Variants in ARK2N observed in about 807,000 individuals in gnomAD.
ARK2N encodes protein ARK2N.
the ARK2N span, among the ~76,000 whole-genome samples, chr18:46,201,714 A>G: frequency 1.3e-5 from 2 of 151,806 alleles, no homozygotes; most frequent in South Asian, 4.2e-4. Context: ...CTAGCGGTAT[A>G]AGCTACTGTG....
the ARK2N span, chr18:46,253,599 G>A: frequency 7.0e-7 from 1 of 1,435,528 alleles, no homozygotes; most frequent in Non-Finnish European, 9.4e-7. Context: ...CTGTTTCTGT[G>A]ACTAAACCTA....
At chr18:46,196,052 C>T in the ARK2N span, among the ~76,000 whole-genome samples, 1 of 151,918 alleles carries the variant, frequency 6.6e-6, no homozygotes, top group Non-Finnish European at 1.5e-5. Context: ...GCGATCTCGG[C>T]TCACAGCAAC....
the ARK2N span, among the ~76,000 whole-genome samples, chr18:46,211,199 G>GT: frequency 2.4e-4 from 37 of 151,848 alleles, no homozygotes; most frequent in African/African-American, 3.9e-4. Context: ...TGTTCCACTG[G>GT]TTTTTTTTAC....
chr18:46,227,008 C>T, the ARK2N span, among the ~76,000 whole-genome samples: 2 of 151,952 alleles, frequency 1.3e-5, no homozygotes, highest in Non-Finnish European at 2.9e-5. Context: ...GGGGTTTCAC[C>T]ATGTTGGCCA....
At chr18:46,238,011 A>G in the ARK2N span, among the ~76,000 whole-genome samples, 1 of 152,226 alleles carries the variant, frequency 6.6e-6, no homozygotes, top group Non-Finnish European at 1.5e-5. Context: ...ACAAGAATGA[A>G]GCCAGATAAC....
At chr18:46,188,964 C>G in the ARK2N span, among the ~76,000 whole-genome samples, 1 of 152,004 alleles carries the variant, frequency 6.6e-6, no homozygotes, top group Non-Finnish European at 1.5e-5. Flanking sequence ...CCTGTAATCC[C>G]AACACTTTGG....
chr18:46,261,055 T>C, the ARK2N span, among the ~76,000 whole-genome samples: 15 of 152,320 alleles, frequency 9.8e-5, no homozygotes, highest in East Asian at 2.3e-3. Flanking sequence ...ACATTGACTC[T>C]CTTTGCCACT....
At chr18:46,233,821 A>G in the ARK2N span, among the ~76,000 whole-genome samples, 2 of 152,198 alleles carry the variant, frequency 1.3e-5, no homozygotes, top group Non-Finnish European at 2.9e-5. Flanking sequence ...TAATGGAAAA[A>G]GTACAAAATA....
At chr18:46,212,254 A>T in the ARK2N span, among the ~76,000 whole-genome samples, 1 of 152,140 alleles carries the variant, frequency 6.6e-6, no homozygotes, top group Non-Finnish European at 1.5e-5. Flanking sequence ...GTCAGAGTGG[A>T]TTTTTGAATA....
the ARK2N span, among the ~76,000 whole-genome samples, chr18:46,201,661 C>T: frequency 6.6e-6 from 1 of 152,014 alleles, no homozygotes; most frequent in Non-Finnish European, 1.5e-5. Context: ...CTTGGTAAGC[C>T]CTCTGTTGGC....
chr18:46,185,867 A>G, the ARK2N span, among the ~76,000 whole-genome samples: 4 of 146,996 alleles, frequency 2.7e-5, no homozygotes, highest in African/African-American at 5.5e-5. Context: ...TACACTGGTA[A>G]TCTCAGCTAC....
chr18:46,195,235 A>G, the ARK2N span, among the ~76,000 whole-genome samples: 1 of 144,664 alleles, frequency 6.9e-6, no homozygotes, highest in African/African-American at 2.6e-5. Flanking sequence ...TTCTGCTTTC[A>G]TTAATTTTTT....
chr18:46,189,367 G>A, the ARK2N span, among the ~76,000 whole-genome samples: 2 of 152,030 alleles, frequency 1.3e-5, no homozygotes, highest in Non-Finnish European at 2.9e-5. Context: ...GTGTATTCTT[G>A]TGTATTTGTG....
chr18:46,181,671 C>T, the ARK2N span, among the ~76,000 whole-genome samples: 10 of 151,776 alleles, frequency 6.6e-5, no homozygotes, highest in Non-Finnish European at 1.3e-4. Context: ...GCCAAGATCG[C>T]GCCACTGCAC....
the ARK2N span, among the ~76,000 whole-genome samples, chr18:46,244,859 C>G: frequency 1.3e-5 from 2 of 151,866 alleles, no homozygotes; most frequent in Admixed American, 1.3e-4. Flanking sequence ...TCTTGGCCTC[C>G]CGAAGTGCTA....
chr18:46,254,206 G>C, the ARK2N span, among the ~76,000 whole-genome samples: 1 of 152,166 alleles, frequency 6.6e-6, no homozygotes. Context: ...GCAAACAGTT[G>C]GGAAACATGC....
the ARK2N span, among the ~76,000 whole-genome samples, chr18:46,208,659 G>A: frequency 0.017 from 2,579 of 151,516 alleles, 70 homozygotes; most frequent in African/African-American, 0.06. Context: ...TAGTAGAGAC[G>A]GGGTTTCACC....
chr18:46,251,727 A>G, the ARK2N span, among the ~76,000 whole-genome samples: 1 of 152,234 alleles, frequency 6.6e-6, no homozygotes, highest in Non-Finnish European at 1.5e-5. Context: ...AAGTTGCTAC[A>G]TAGCACTGTA....
the ARK2N span, among the ~76,000 whole-genome samples, chr18:46,203,332 C>T: frequency 2.6e-5 from 4 of 152,164 alleles, no homozygotes; most frequent in African/African-American, 7.2e-5. Flanking sequence ...CTGTTGCATA[C>T]TGTTGCATGG....
Sources: allele counts gnomAD v4.1 joint callset (sites outside exome capture counted in the v4.1 genomes callset), GRCh38; gene constraint gnomAD v4.1.1; transcripts MANE v1.5; gene names NCBI Gene and HGNC (gene_info 2026-07-23, HGNC 2026-07-21).